Variants in KCNT2 observed in about 807,000 individuals in gnomAD.
The protein encoded by KCNT2 is potassium channel subfamily T member 2.
A neutral mutation model predicts 153.8 loss-of-function variants in KCNT2; 67 were observed. That is an observed-to-expected ratio of 0.44 (90% CI 0.36 to 0.53). The LOEUF (loss-of-function observed/expected upper bound fraction) is 0.53. Ranked by LOEUF, KCNT2 falls within the 20% of genes least tolerant of loss-of-function variation. The probability of loss-of-function intolerance (pLI) is 0.00; values close to 1 mark genes in which losing one functional copy is unlikely to be tolerated. For synonymous variants in KCNT2, 500 were observed against 458.8 expected (o/e 1.09, Z -1.15); for missense variants, 975 against 1,354.8 (o/e 0.72, Z 4.40).
chr1:196,453,809 C>A (rs975626035), intron 8 of KCNT2, among the ~76,000 whole-genome samples: 15 of 151,914 alleles, frequency 9.9e-5, no homozygotes, highest in African/African-American at 3.6e-4. Context: ...ATTTATTATT[C>A]ATCTCCCATC....
At chr1:196,553,943 A>T (rs1384012794) in intron 1 of KCNT2, among the ~76,000 whole-genome samples, 1 of 151,290 alleles carries the variant, frequency 6.6e-6, no homozygotes, top group African/African-American at 2.4e-5. Flanking sequence ...ATAATGGAAG[A>T]ACAACATACC....
intron 20 of KCNT2, chr1:196,317,234 G>C (rs1662816444): frequency 2.2e-6 from 1 of 452,606 alleles, no homozygotes; most frequent in African/African-American, 2.0e-5. Flanking sequence ...CTTGAATCAG[G>C]AACAATGGTC....
rs1280034137 is a variant in KCNT2 at position 196,411,487 on chromosome 1, A to G, written c.1185+11563T>C. Among the ~76,000 whole-genome samples the G allele has an allele frequency of 1.4e-4, 20 of 138,868 alleles. No individual in the cohort carries two copies. The Admixed American group carries it at 1.5e-3, about 10-fold the overall frequency. 91.1% of individuals were successfully genotyped at this position (138,868 alleles called of 152,430 possible). On this transcript the variant is annotated intron_variant, in intron 12 of 27. Coordinates refer to ENST00000294725, the MANE Select transcript of KCNT2 (RefSeq NM_198503.5). Reference sequence around the variant, plus strand: ...AAAAAAAACGGCCAGTGAGATTCTGATGGAAATAGTGAACACAGGATGTCT... The same window carrying G: ...AAAAAAAACGGCCAGTGAGATTCTGGTGGAAATAGTGAACACAGGATGTCT...
intron 16 of KCNT2, among the ~76,000 whole-genome samples, chr1:196,337,354 A>G (rs973840649): frequency 6.6e-6 from 1 of 152,110 alleles, no homozygotes; most frequent in African/African-American, 2.4e-5. Context: ...CCACTTGAAA[A>G]TAGTCTGATC....
chr1:196,579,397 G>C (rs1483829681), intron 1 of KCNT2, among the ~76,000 whole-genome samples: 1 of 151,890 alleles, frequency 6.6e-6, no homozygotes, highest in Admixed American at 6.6e-5. Context: ...CCTGCGTGAT[G>C]AAATAATCTG....
At chr1:196,550,734 A>G in intron 1 of KCNT2, among the ~76,000 whole-genome samples, 1 of 151,802 alleles carries the variant, frequency 6.6e-6, no homozygotes, top group East Asian at 1.9e-4. Flanking sequence ...TTTCTGCTCA[A>G]TTATCATGGG....
chr1:196,371,563 GAC>G (rs1445695242), intron 14 of KCNT2, among the ~76,000 whole-genome samples: 4 of 151,992 alleles, frequency 2.6e-5, no homozygotes, highest in Admixed American at 2.6e-4. Flanking sequence ...CATTTACTGT[GAC>G]ACAGTTGTAA....
intron 11 of KCNT2, among the ~76,000 whole-genome samples, chr1:196,424,765 G>A (rs1202517669): frequency 6.6e-6 from 1 of 151,206 alleles, no homozygotes; most frequent in Non-Finnish European, 1.5e-5. Context: ...TTCCTGACTA[G>A]GTATCTAGTC....
At chr1:196,307,246 C>A (rs892021826) in intron 21 of KCNT2, among the ~76,000 whole-genome samples, 1 of 152,166 alleles carries the variant, frequency 6.6e-6, no homozygotes, top group Middle Eastern at 3.4e-3. Flanking sequence ...TCGGTTATTA[C>A]TATTTTCTTA....
chr1:196,263,663 G>T (rs1466364655), intron 25 of KCNT2, among the ~76,000 whole-genome samples: 1 of 151,936 alleles, frequency 6.6e-6, no homozygotes, highest in Non-Finnish European at 1.5e-5. Flanking sequence ...CAAAATTTAT[G>T]TATATGTCCA....
At chr1:196,434,704 T>A (rs2148560491) in intron 8 of KCNT2, among the ~76,000 whole-genome samples, 1 of 152,098 alleles carries the variant, frequency 6.6e-6, no homozygotes, top group South Asian at 2.1e-4. Context: ...TGTCTTCAGG[T>A]CCTTCAATCT....
At chr1:196,492,763 C>G (rs1679953403) in intron 1 of KCNT2, among the ~76,000 whole-genome samples, 1 of 152,024 alleles carries the variant, frequency 6.6e-6, no homozygotes, top group Non-Finnish European at 1.5e-5. Context: ...TTGAAAAATT[C>G]AGTCTGGGCA....
At chr1:196,253,166 G>A (rs1656136714) in intron 26 of KCNT2, among the ~76,000 whole-genome samples, 1 of 151,100 alleles carries the variant, frequency 6.6e-6, no homozygotes, top group Admixed American at 6.6e-5. Context: ...CTCTCCTTTT[G>A]GAGTCCAGTT....
chr1:196,469,102 A>G (rs1572559148), intron 5 of KCNT2, 34 bp from the exon 6 acceptor site: 1 of 1,244,064 alleles, frequency 8.0e-7, no homozygotes, highest in East Asian at 2.4e-5. Flanking sequence ...ACGAAAGTCA[A>G]TTATACTGCC....
intron 25 of KCNT2, among the ~76,000 whole-genome samples, chr1:196,272,102 G>C (rs929505767): frequency 6.6e-6 from 1 of 152,060 alleles, no homozygotes; most frequent in East Asian, 1.9e-4. Context: ...GGCACAGCTA[G>C]TAAAAGGAGA....
chr1:196,529,160 A>G (rs1654622961), intron 1 of KCNT2, among the ~76,000 whole-genome samples: 1 of 152,288 alleles, frequency 6.6e-6, no homozygotes, highest in South Asian at 2.1e-4. Context: ...TGCGAAACTG[A>G]ATATTACTAA....
At chr1:196,393,548 T>G (rs374956532) in intron 13 of KCNT2, among the ~76,000 whole-genome samples, 165 of 151,682 alleles carry the variant, frequency 1.1e-3, no homozygotes, top group African/African-American at 3.7e-3. Context: ...GAAGAAGTTA[T>G]CCTCCTAGTA....
chr1:196,444,807 T>C (rs1675547614), intron 8 of KCNT2, among the ~76,000 whole-genome samples: 2 of 151,396 alleles, frequency 1.3e-5, no homozygotes, highest in South Asian at 4.1e-4. Context: ...CATCAGTAAA[T>C]CAATATCTAC....
intron 1 of KCNT2, among the ~76,000 whole-genome samples, chr1:196,602,905 G>C (rs1664906230): frequency 6.8e-6 from 1 of 147,724 alleles, no homozygotes; most frequent in Non-Finnish European, 1.5e-5. Flanking sequence ...TCCTGCCTCA[G>C]CCTCCCGAGT....
Sources: gnomAD v4.1 joint callset for allele counts (sites outside exome capture counted in the v4.1 genomes callset) on GRCh38, gnomAD v4.1.1 for gene constraint, MANE v1.5 for transcripts, NCBI Gene and HGNC (gene_info 2026-07-23, HGNC 2026-07-21) for gene names.